Variants in DCLK1 observed in about 807,000 individuals in gnomAD.
DCLK1 encodes the protein doublecortin like kinase 1, also known as serine/threonine-protein kinase DCLK1.
In DCLK1, 16 loss-of-function variants were observed where a neutral mutation model predicts 86.2. That is an observed-to-expected ratio of 0.19 (90% confidence interval 0.13 to 0.28). DCLK1 has a LOEUF of 0.28. Ranked by LOEUF, DCLK1 falls within the 10% of genes least tolerant of loss-of-function variation. DCLK1 has a pLI of 1.00. For missense variants in DCLK1, 590 were observed against 940.2 expected, an observed-to-expected ratio of 0.63 and a Z score of 4.87; for synonymous variants, 369 against 370.5, an observed-to-expected ratio of 1.00 and a Z score of 0.05.
chr13:36,026,078 C>G (rs2153151984), intron 3 of DCLK1, among the ~76,000 whole-genome samples: 1 of 152,140 alleles, frequency 6.6e-6, no homozygotes, highest in Middle Eastern at 3.4e-3. Flanking sequence ...GTCATGTTAG[C>G]TATACATTTA....
intron 5 of DCLK1, among the ~76,000 whole-genome samples, chr13:35,867,963 A>AAGAAAGAAAGAAAGAAAGAG (rs796441369): frequency 0.019 from 2,520 of 134,050 alleles, 67 homozygotes; most frequent in Admixed American, 0.034. Flanking sequence ...GAAAGAAAGA[A>AAGAAAGAAAGAAAGAAAGAG]AGAGAAAAAG....
At chr13:35,947,570 G>A in intron 3 of DCLK1, 113 bp from the exon 4 acceptor site, 1 of 713,206 alleles carries the variant, frequency 1.4e-6, no homozygotes, top group Non-Finnish European at 2.2e-6. Flanking sequence ...GGAATCAACA[G>A]GGCAGCTTCC....
At chr13:35,994,835 T>C (rs977821718) in intron 3 of DCLK1, among the ~76,000 whole-genome samples, 1 of 152,230 alleles carries the variant, frequency 6.6e-6, no homozygotes, top group Non-Finnish European at 1.5e-5. Flanking sequence ...GCAACCAGCA[T>C]GCGATGGCAT....
intron 6 of DCLK1, chr13:35,846,280 GT>G (rs2153109058): frequency 1.0e-6 from 1 of 984,972 alleles, no homozygotes; most frequent in African/African-American, 1.7e-5. Flanking sequence ...AAAGTAAAGA[GT>G]TCTTAGAAAA....
At chr13:36,021,220 C>T (rs996324378) in intron 3 of DCLK1, among the ~76,000 whole-genome samples, 9 of 138,010 alleles carry the variant, frequency 6.5e-5, no homozygotes, top group Admixed American at 1.6e-4. Flanking sequence ...TTGTATTCCT[C>T]GGGATAGCCA....
chr13:35,839,758 A>G (rs1359081361), intron 6 of DCLK1, among the ~76,000 whole-genome samples: 1 of 150,226 alleles, frequency 6.7e-6, no homozygotes, highest in African/African-American at 2.5e-5. Context: ...ATAAGTCTGA[A>G]GTAAAGACAA....
intron 11 of DCLK1, among the ~76,000 whole-genome samples, chr13:35,821,508 G>A (rs1161832559): frequency 2.0e-5 from 3 of 151,992 alleles, no homozygotes; most frequent in Non-Finnish European, 2.9e-5. Flanking sequence ...GGAGTCTTTA[G>A]ACCACCCTGC....
rs1566658675 is a variant in DCLK1, at chr13:36,045,342, A to ATC, written c.723+66526_723+66527insGA. Among the ~76,000 whole-genome samples the ATC allele has an allele frequency of 2.0e-4, 14 of 69,600 alleles. No homozygotes were observed. The South Asian group carries it at 2.6e-3, about 13-fold the overall frequency. The allele number at this position is 69,600 out of a possible 152,430, so 45.7% of individuals were successfully genotyped here. A position where few individuals can be genotyped will look rare whatever the true frequency, so the allele number is the denominator to read the frequency against. On this transcript the variant is annotated intron_variant, in intron 3 of 16. Coordinates refer to ENST00000360631, the MANE Select transcript of DCLK1 (RefSeq NM_001330071.2). ...TATGTGTGTGTGTGTGTATATATATATATATATATATATATATATATATAT... is the reference window on the plus strand; with the variant it reads ...TATGTGTGTGTGTGTGTATATATATATCTATATATATATATATATATATATAT...
chr13:36,047,875 G>C (rs1882976957), intron 3 of DCLK1, among the ~76,000 whole-genome samples: 2 of 152,104 alleles, frequency 1.3e-5, no homozygotes, highest in African/African-American at 2.4e-5. Context: ...AGGATCACTT[G>C]ACCCCAGGAG....
At chr13:35,890,690 G>A (rs1873588548) in intron 4 of DCLK1, among the ~76,000 whole-genome samples, 1 of 152,110 alleles carries the variant, frequency 6.6e-6, no homozygotes, top group South Asian at 2.1e-4. Context: ...AACTTGGTAT[G>A]AGACTGAGCT....
intron 3 of DCLK1, among the ~76,000 whole-genome samples, chr13:35,952,971 T>G (rs1386215601): frequency 6.6e-6 from 1 of 152,214 alleles, no homozygotes; most frequent in East Asian, 1.9e-4. Flanking sequence ...TGAACTTGGA[T>G]GAGTGACTTA....
chr13:35,779,848 A>G (rs75501770), intron 16 of DCLK1, among the ~76,000 whole-genome samples: 3,835 of 152,244 alleles, frequency 0.025, 86 homozygotes, highest in Middle Eastern at 0.051. Flanking sequence ...ATCTTTTCCA[A>G]TTGAATTCTG....
intron 4 of DCLK1, among the ~76,000 whole-genome samples, chr13:35,895,469 G>T (rs1873904992): frequency 6.6e-6 from 1 of 152,032 alleles, no homozygotes. Flanking sequence ...TTACATGTAG[G>T]TATATTTTTC....
At chr13:36,005,290 T>C (rs1880901156) in intron 3 of DCLK1, among the ~76,000 whole-genome samples, 1 of 152,214 alleles carries the variant, frequency 6.6e-6, no homozygotes, top group Non-Finnish European at 1.5e-5. Flanking sequence ...TAATAAAAGG[T>C]ATCTATTCTG....
At chr13:35,846,008 A>G in intron 6 of DCLK1, 1 of 985,456 alleles carries the variant, frequency 1.0e-6, no homozygotes, top group Non-Finnish European at 1.2e-6. Context: ...ACAACATTTT[A>G]CAATGAAACC....
At chr13:36,118,117 A>G (rs1467279536) in intron 2 of DCLK1, among the ~76,000 whole-genome samples, 2 of 152,208 alleles carry the variant, frequency 1.3e-5, no homozygotes, top group Non-Finnish European at 2.9e-5. Flanking sequence ...GATTCCATAG[A>G]CAGACGAGTT....
intron 3 of DCLK1, among the ~76,000 whole-genome samples, chr13:36,098,586 G>A (rs1885092404): frequency 6.6e-6 from 1 of 152,138 alleles, no homozygotes; most frequent in Non-Finnish European, 1.5e-5. Flanking sequence ...TTAAGACCTA[G>A]AAAACACAGT....
At chr13:35,878,814 C>A (rs1163829225) in intron 4 of DCLK1, among the ~76,000 whole-genome samples, 1 of 150,540 alleles carries the variant, frequency 6.6e-6, no homozygotes, top group South Asian at 2.1e-4. Context: ...TTGAGATAGT[C>A]TTGTTCTGTC....
chr13:36,078,097 G>GC (rs1884275476), intron 3 of DCLK1, among the ~76,000 whole-genome samples: 1 of 152,162 alleles, frequency 6.6e-6, no homozygotes, highest in South Asian at 2.1e-4. Flanking sequence ...TGAGGGTGGA[G>GC]CCCCCATCAT....
Sources: gnomAD v4.1 joint callset for allele counts (sites outside exome capture counted in the v4.1 genomes callset) on GRCh38, gnomAD v4.1.1 for gene constraint, MANE v1.5 for transcripts, NCBI Gene and HGNC (gene_info 2026-07-23, HGNC 2026-07-21) for gene names.